Variants in FHIP1A observed in about 807,000 individuals in gnomAD.
The protein encoded by FHIP1A is FHF complex subunit HOOK-interacting protein 1A.
Under a neutral mutation model 88.6 loss-of-function variants are expected in FHIP1A, and 61 were observed. The observed-to-expected ratio is 0.69, with a 90% CI of 0.56 to 0.85. The LOEUF (loss-of-function observed/expected upper bound fraction) is 0.85. FHIP1A is among the 40% of genes least tolerant of loss of function. The probability of loss-of-function intolerance (pLI) is 0.00; values close to 1 mark genes in which losing one functional copy is unlikely to be tolerated. For synonymous variants in FHIP1A, 478 were observed against 496.0 expected, an observed-to-expected ratio of 0.96 and a Z score of 0.48; for missense variants, 1,154 against 1,273.5, an observed-to-expected ratio of 0.91 and a Z score of 1.43.
At chr4:151,480,751 T>C (rs778341114) in intron 2 of FHIP1A, among the ~76,000 whole-genome samples, 4 of 152,036 alleles carry the variant, frequency 2.6e-5, no homozygotes, top group Non-Finnish European at 5.9e-5. Flanking sequence ...ATCCTTTACT[T>C]TTCATACTCC....
intron 7 of FHIP1A, among the ~76,000 whole-genome samples, chr4:151,598,394 G>A (rs771060401): frequency 9.2e-5 from 14 of 152,098 alleles, no homozygotes; most frequent in East Asian, 1.9e-4. Context: ...GAGATGAACC[G>A]GGTGCCTCAA....
intron 3 of FHIP1A, among the ~76,000 whole-genome samples, chr4:151,539,290 C>G (rs1195625273): frequency 6.6e-6 from 1 of 152,020 alleles, no homozygotes; most frequent in Non-Finnish European, 1.5e-5. Flanking sequence ...TTTTATAGTA[C>G]AGTAGACGTG....
At chr4:151,539,269 A>C (rs947393785) in intron 3 of FHIP1A, among the ~76,000 whole-genome samples, 10 of 152,156 alleles carry the variant, frequency 6.6e-5, no homozygotes, top group African/African-American at 2.4e-4. Flanking sequence ...TTGAGAATAC[A>C]ACTGACTTCT....
intron 9 of FHIP1A, among the ~76,000 whole-genome samples, chr4:151,639,646 C>A (rs1221708228): frequency 6.6e-6 from 1 of 152,092 alleles, no homozygotes; most frequent in African/African-American, 2.4e-5. Context: ...GAAACCCTAC[C>A]CCAGCACTGC....
At chr4:151,653,381 C>A (rs924586775) in intron 11 of FHIP1A, among the ~76,000 whole-genome samples, 1 of 151,622 alleles carries the variant, frequency 6.6e-6, no homozygotes, top group Non-Finnish European at 1.5e-5. Flanking sequence ...TCTCTCTCCC[C>A]CTCCCTCTCC....
chr4:151,580,402 C>G (rs1690619683), intron 5 of FHIP1A, among the ~76,000 whole-genome samples: 1 of 152,258 alleles, frequency 6.6e-6, no homozygotes, highest in African/African-American at 2.4e-5. Context: ...CAGCAAGGGA[C>G]CTGTGTTAAG....
At chr4:151,611,178 G>T (rs2126847176) in intron 7 of FHIP1A, among the ~76,000 whole-genome samples, 1 of 152,208 alleles carries the variant, frequency 6.6e-6, no homozygotes, top group South Asian at 2.1e-4. Context: ...AGCTAGCATT[G>T]TGAGGTGGCA....
chr4:151,541,068 A>G (rs987897069), intron 3 of FHIP1A, among the ~76,000 whole-genome samples: 2 of 152,198 alleles, frequency 1.3e-5, no homozygotes, highest in African/African-American at 4.8e-5. Context: ...TAGTGTTGTT[A>G]CTTTTCTCTA....
intron 3 of FHIP1A, among the ~76,000 whole-genome samples, chr4:151,484,174 G>A (rs1729997774): frequency 6.6e-6 from 1 of 152,154 alleles, no homozygotes. Flanking sequence ...TTAGCAGAAT[G>A]AACATTCTTA....
intron 2 of FHIP1A, among the ~76,000 whole-genome samples, chr4:151,476,135 C>T (rs1729691658): frequency 6.7e-6 from 1 of 149,516 alleles, no homozygotes; most frequent in South Asian, 2.1e-4. Flanking sequence ...GCTGGGATTA[C>T]AGGCATGAGA....
At chr4:151,600,302 G>A (rs1734813782) in intron 7 of FHIP1A, among the ~76,000 whole-genome samples, 2 of 152,326 alleles carry the variant, frequency 1.3e-5, no homozygotes, top group African/African-American at 4.8e-5. Flanking sequence ...ACATTTCATT[G>A]TCTAAAGCAA....
intron 3 of FHIP1A, among the ~76,000 whole-genome samples, chr4:151,551,326 A>G (rs889125288): frequency 3.3e-5 from 5 of 152,320 alleles, no homozygotes; most frequent in African/African-American, 1.2e-4. Context: ...AGAATAGGAA[A>G]AAACTACTTT....
chr4:151,549,024 A>G lies in FHIP1A; in HGVS notation c.-122-17114A>G, dbSNP rs1460883746. ...CCCTCTACTGTTGTGTCATTCCCCTATTGGCTGGGGTTGGACTGCACAGTC... is the reference window on the plus strand; with the variant it reads ...CCCTCTACTGTTGTGTCATTCCCCTGTTGGCTGGGGTTGGACTGCACAGTC... On this transcript the variant is annotated intron_variant, in intron 3 of 13. Transcript: ENST00000435205. Among the ~76,000 whole-genome samples, 14 of 152,056 alleles carry G rather than the reference A, an allele frequency of 9.2e-5. No homozygotes were observed. In the East Asian group the frequency reaches 1.9e-3, roughly 21 times the overall value.
chr4:151,463,146 C>G lies in FHIP1A; in HGVS notation c.-248+8338C>G, dbSNP rs556240258. On this transcript the variant is annotated intron_variant, in intron 2 of 13. Transcript: ENST00000435205. ...GAATGAAATAATGAATACTTAACAC[C>G]CTGCCATGGTACCTAGAGCATGGGC... Among the ~76,000 whole-genome samples, 7 of 152,150 alleles carry G rather than the reference C, an allele frequency of 4.6e-5. 1 individual carries two copies. Among genetic ancestry groups the G allele is most frequent in the Middle Eastern group, 6.8e-3 (2 of 294 alleles).
At chr4:151,452,814 C>G (rs1180803723) in intron 1 of FHIP1A, among the ~76,000 whole-genome samples, 1 of 151,516 alleles carries the variant, frequency 6.6e-6, no homozygotes, top group African/African-American at 2.4e-5. Flanking sequence ...TCTAGAACAT[C>G]TTGGATATAG....
intron 3 of FHIP1A, among the ~76,000 whole-genome samples, chr4:151,555,454 C>T (rs559244999): frequency 1.2e-4 from 18 of 152,210 alleles, no homozygotes; most frequent in Non-Finnish European, 2.1e-4. Flanking sequence ...AAAAACAACT[C>T]TCCTCCTCCT....
chr4:151,656,458 A>G lies in FHIP1A; in HGVS notation c.2730+48A>G, dbSNP rs1737243778. 6.7e-7 allele frequency: 1 copy of G among 1,500,974 alleles called. No homozygotes were observed. The highest frequency in any genetic ancestry group is 1.4e-5 in the African/African-American group (1 of 71,692). 93.0% of individuals were successfully genotyped at this position (1,500,974 alleles called of 1,614,324 possible). ...CACACCTGTTGATTTTGTGGGTGCT[A>G]ATTTGCAGGGCATCTATTTCTCTTT... is the stretch of plus-strand genomic sequence containing the variant. On this transcript the variant is annotated intron_variant, in intron 12 of 13. Coordinates refer to ENST00000435205, the MANE Select transcript of FHIP1A (RefSeq NM_001109977.3). This position sits in a 1 kb window ranked among gnomAD's most constrained non-coding sequence, Gnocchi z 4.2.
At chr4:151,417,212 C>T (rs1253766480) in intron 1 of FHIP1A, among the ~76,000 whole-genome samples, 1 of 152,166 alleles carries the variant, frequency 6.6e-6, no homozygotes, top group Non-Finnish European at 1.5e-5. Context: ...GCAAGCAGCT[C>T]ATGGGCCTGG....
chr4:151,578,287 A>C (rs1477219597), intron 5 of FHIP1A, among the ~76,000 whole-genome samples: 1 of 152,194 alleles, frequency 6.6e-6, no homozygotes, highest in Non-Finnish European at 1.5e-5. Flanking sequence ...TCATAAGCCA[A>C]CAAAGGAGGC....
Sources: allele counts gnomAD v4.1 joint callset (sites outside exome capture counted in the v4.1 genomes callset), GRCh38; gene constraint gnomAD v4.1.1; non-coding constraint Gnocchi (gnomAD v3.1); transcripts MANE v1.5; gene names NCBI Gene and HGNC (gene_info 2026-07-23, HGNC 2026-07-21).